Variants in CLPX observed in about 807,000 individuals in gnomAD.
CLPX encodes the protein caseinolytic mitochondrial matrix peptidase chaperone subunit X, also known as ATP-dependent clpX-like chaperone, mitochondrial.
Under a neutral mutation model 76.4 loss-of-function variants are expected in CLPX, and 34 were observed. The observed-to-expected ratio is 0.45, with a 90% CI of 0.34 to 0.59. The LOEUF (loss-of-function observed/expected upper bound fraction) is 0.59. Ranked by LOEUF, CLPX falls within the 20% of genes least tolerant of loss-of-function variation. CLPX has a pLI of 0.01. For synonymous variants in CLPX, 248 were observed against 270.9 expected (o/e 0.92, Z 0.83); for missense variants, 613 against 757.0 (o/e 0.81, Z 2.23).
chr15:65,154,272 T>C (rs375655430), intron 11 of CLPX, among the ~76,000 whole-genome samples: 2 of 152,056 alleles, frequency 1.3e-5, no homozygotes, highest in South Asian at 2.1e-4. Context: ...GTGAATAATA[T>C]CAAAGGGGCT....
chr15:65,180,256 C>G (rs772406727), intron 1 of CLPX, 52 bp from the exon 2 acceptor site: 1 of 1,395,606 alleles, frequency 7.2e-7, no homozygotes, highest in Non-Finnish European at 9.7e-7. Flanking sequence ...CAATAAATCC[C>G]CTGGAAACAA....
At chr15:65,155,997 C>G (rs1471872779) in intron 9 of CLPX, 141 bp from the exon 10 acceptor site, 1 of 648,456 alleles carries the variant, frequency 1.5e-6, no homozygotes, top group African/African-American at 1.9e-5. Context: ...ATTCCTATAA[C>G]TAACAAGAAA....
intron 10 of CLPX, 101 bp downstream of exon 10, chr15:65,155,589 TAA>T (rs1265716808): frequency 1.0e-6 from 1 of 983,526 alleles, no homozygotes; most frequent in African/African-American, 1.6e-5. Flanking sequence ...CCAACTCTTA[TAA>T]TTAAAACTAT....
chr15:65,168,758 AC>A (rs1204056173), intron 3 of CLPX, among the ~76,000 whole-genome samples: 3 of 151,996 alleles, frequency 2.0e-5, no homozygotes, highest in Non-Finnish European at 4.4e-5. Context: ...TAAAAAAAAA[AC>A]TTTGCGGATA....
rs2087687568 is a variant in CLPX, at chr15:65,149,183, A to G, written c.*1640T>C. 6.5e-6 allele frequency: 1 copy of G among 154,204 alleles called. No homozygotes were observed. Among genetic ancestry groups the G allele is most frequent in the South Asian group, 2.0e-4 (1 of 5,084 alleles). 9.6% of individuals were successfully genotyped at this position (154,204 alleles called of 1,614,324 possible). The stretch of plus-strand genomic sequence containing the variant: ...TACTGCATGCTATTTCTAGAATTAG[A>G]TATGTATCTTTCTGGCTGGATGCGG... On this transcript the variant is annotated 3_prime_UTR_variant, in exon 14 of 14. Transcript: ENST00000300107.
At chr15:65,167,939 TC>T (rs1309479178) in intron 3 of CLPX, among the ~76,000 whole-genome samples, 2 of 151,838 alleles carry the variant, frequency 1.3e-5, no homozygotes, top group African/African-American at 4.8e-5. Flanking sequence ...TTATCTTTAC[TC>T]CACTAGTTCC....
chr15:65,174,552 C>T (rs575381854), intron 3 of CLPX, among the ~76,000 whole-genome samples: 26 of 152,270 alleles, frequency 1.7e-4, no homozygotes, highest in African/African-American at 6.3e-4. Context: ...CATAAGCCAC[C>T]ATGCCGGGCC....
At chr15:65,153,132 T>C (rs2087744978) in intron 12 of CLPX, among the ~76,000 whole-genome samples, 1 of 150,548 alleles carries the variant, frequency 6.6e-6, no homozygotes. Context: ...AAAAGCAAAA[T>C]ATAATCTACT....
intron 5 of CLPX, among the ~76,000 whole-genome samples, chr15:65,163,727 T>TCC (rs892833484): frequency 4.6e-5 from 7 of 151,696 alleles, no homozygotes; most frequent in Non-Finnish European, 1.0e-4. Flanking sequence ...CCTCAAGTGA[T>TCC]CCCCCCGCCT....
intron 2 of CLPX, 127 bp from the exon 3 acceptor site, chr15:65,179,178 G>A (rs111529287): frequency 1.8e-5 from 10 of 542,294 alleles, no homozygotes; most frequent in African/African-American, 1.3e-4. Flanking sequence ...GAAATTATTA[G>A]TATATTTTAT....
chr15:65,185,029 C>A lies in CLPX; in HGVS notation c.79+46G>T, dbSNP rs768594822. 6.4e-5 allele frequency: 96 copies of A among 1,493,152 alleles called. 1 individual carries two copies. Among genetic ancestry groups the A allele is most frequent in the East Asian group, 9.9e-5 (4 of 40,554 alleles). The allele number at this position is 1,493,152 out of a possible 1,614,324, so 92.5% of individuals were successfully genotyped here. A position where few individuals can be genotyped will look rare whatever the true frequency, so the allele number is the denominator to read the frequency against. On this transcript the variant is annotated intron_variant, in intron 1 of 13. Transcript: ENST00000300107. ...GCCCCCAACCATTGGCCAGTCCACC[C>A]CCCCCCCGACAGGCTGAGGGCTCAG...
At chr15:65,177,031 T>C (rs1343996450) in intron 3 of CLPX, among the ~76,000 whole-genome samples, 1 of 152,140 alleles carries the variant, frequency 6.6e-6, no homozygotes, top group African/African-American at 2.4e-5. Context: ...TTTTATTATA[T>C]CACATCAAAT....
rs2087895490 is a variant in CLPX, at chr15:65,165,248, A to G, written c.514-1060T>C. Among the ~76,000 whole-genome samples, 3 of 152,180 alleles carry G rather than the reference A, an allele frequency of 2.0e-5. No individual in the cohort carries two copies. In the Middle Eastern group the frequency reaches 0.01, roughly 518 times the overall value. On this transcript the variant is annotated intron_variant, in intron 4 of 13. Transcript: ENST00000300107. ...GAGGCTGAAGTGGGAGGATCACTTG[A>G]GCCCAGGGAGGTTAAGGCTGCAGTG...
chr15:65,180,078 C>G lies in CLPX; in HGVS notation c.206G>C (p.Gly69Ala). The stretch of plus-strand genomic sequence containing the variant: ...ATCTCCAGAACCATCTTTACTTATC[C>G]CATCTTTTGAGGCAAAGTATGCTGG... ...ETPAYFASKD[G>A]ISKDGSGDGN... Residue 69 changes from glycine (G) to alanine (A), a missense_variant, in exon 2 of 14, where the codon GGG becomes GCG. Coordinates refer to ENST00000300107, the MANE Select transcript of CLPX (RefSeq NM_006660.5). 6.2e-7 allele frequency: 1 copy of G among 1,609,030 alleles called. No individual in the cohort carries two copies. The highest frequency in any genetic ancestry group is 1.7e-4 in the Middle Eastern group (1 of 6,032).
At chr15:65,165,298 C>T (rs2087896003) in intron 4 of CLPX, among the ~76,000 whole-genome samples, 1 of 151,880 alleles carries the variant, frequency 6.6e-6, no homozygotes, top group African/African-American at 2.4e-5. Context: ...CACTGCACTC[C>T]AGCCTGGGCA....
rs2087700349 is a variant in CLPX at position 65,150,007 on chromosome 15, C to T, written c.*816G>A. ...CTAAACCAATTATCAAAATATAGTT[C>T]TTCAGGGTATTTTTCAATGAAATGT... On this transcript the variant is annotated 3_prime_UTR_variant, in exon 14 of 14. Coordinates refer to ENST00000300107, the MANE Select transcript of CLPX (RefSeq NM_006660.5). 1 of 152,162 alleles carries T rather than the reference C, an allele frequency of 6.6e-6. No individual in the cohort carries two copies. The allele number at this position is 152,162 out of a possible 1,614,324, so 9.4% of individuals were successfully genotyped here.
chr15:65,182,958 T>C (rs1287370996), intron 1 of CLPX, among the ~76,000 whole-genome samples: 1 of 137,122 alleles, frequency 7.3e-6, no homozygotes, highest in Admixed American at 7.8e-5. Flanking sequence ...GGTCCAGGAG[T>C]TGGAGTCCAG....
intron 3 of CLPX, among the ~76,000 whole-genome samples, chr15:65,172,631 T>C (rs558661591): frequency 6.6e-6 from 1 of 152,142 alleles, no homozygotes; most frequent in Admixed American, 6.5e-5. Context: ...AAACTCCGTC[T>C]GGGGGGAAAG....
intron 3 of CLPX, among the ~76,000 whole-genome samples, chr15:65,174,346 C>A (rs888849047): frequency 1.3e-5 from 2 of 150,930 alleles, no homozygotes; most frequent in Non-Finnish European, 3.0e-5. Flanking sequence ...CTCACTGCAA[C>A]CTCCGCCTCC....
Sources: gnomAD v4.1 joint callset for allele counts (sites outside exome capture counted in the v4.1 genomes callset) on GRCh38, gnomAD v4.1.1 for gene constraint, MANE v1.5 for transcripts, NCBI Gene and HGNC (gene_info 2026-07-23, HGNC 2026-07-21) for gene names.